MSMO1: variants seen among roughly 807,000 people sequenced by gnomAD.
MSMO1 encodes methylsterol monooxygenase 1.
A neutral mutation model predicts 30.4 loss-of-function variants in MSMO1; 18 were observed. The observed-to-expected ratio is 0.59, with a 90% confidence interval of 0.41 to 0.88. The LOEUF (loss-of-function observed/expected upper bound fraction) is 0.88, where lower values mean the gene tolerates loss of function less well. MSMO1 is among the 40% of genes least tolerant of loss of function. The pLI is 0.00. For synonymous variants in MSMO1, 84 were observed against 107.9 expected (o/e 0.78, Z 1.37); for missense variants, 284 against 340.5 (o/e 0.83, Z 1.31).
intron 1 of MSMO1, among the ~76,000 whole-genome samples, chr4:165,333,090 C>T (rs926591106): frequency 2.0e-5 from 3 of 151,956 alleles, no homozygotes. Context: ...CCCTATTGTT[C>T]TTTTAGCTAT....
At chr4:165,340,908 C>T (rs1747698367) in intron 5 of MSMO1, among the ~76,000 whole-genome samples, 1 of 152,130 alleles carries the variant, frequency 6.6e-6, no homozygotes, top group South Asian at 2.1e-4. Context: ...TTGGGACATA[C>T]TTCTGTACTC....
At chr4:165,338,369 C>T (rs544726325) in intron 3 of MSMO1, among the ~76,000 whole-genome samples, 6 of 150,626 alleles carry the variant, frequency 4.0e-5, no homozygotes, top group South Asian at 2.1e-4. Flanking sequence ...TATACTCATG[C>T]GTCACTTAAC....
Position 165,338,703 on chromosome 4 carries a change from G to C in MSMO1, c.456G>C (p.Trp152Cys). The change falls in exon 4 of 6, where the codon TGG becomes TGC. Residue 152 changes from tryptophan to cysteine, a missense_variant. By Grantham distance (215) the Trp-to-Cys change is radical. Coordinates refer to ENST00000261507, the MANE Select transcript of MSMO1 (RefSeq NM_006745.5). ...GTTGTGCAGTCATTGAAGATACTTG[G>C]CACTATTTTCTGCATAGACTCTTAC... ...CFGCAVIEDT[W>C]HYFLHRLLHH... 1 of 1,606,132 alleles carries C rather than the reference G, an allele frequency of 6.2e-7. No individual in the cohort carries two copies. Among genetic ancestry groups the C allele is most frequent in the Middle Eastern group, 1.7e-4 (1 of 6,036 alleles).
At chr4:165,334,680 G>A (rs1747492422) in intron 2 of MSMO1, among the ~76,000 whole-genome samples, 1 of 152,184 alleles carries the variant, frequency 6.6e-6, no homozygotes, top group Admixed American at 6.5e-5. Flanking sequence ...TGAGAATTTG[G>A]AGTAGCTTAT....
At chr4:165,329,422 T>G (rs894983702) in intron 1 of MSMO1, among the ~76,000 whole-genome samples, 3 of 152,038 alleles carry the variant, frequency 2.0e-5, no homozygotes, top group Non-Finnish European at 2.9e-5. Context: ...TCACTAAATT[T>G]TATGTTTTAT....
chr4:165,332,048 C>T (rs1747409512), intron 1 of MSMO1, among the ~76,000 whole-genome samples: 1 of 140,662 alleles, frequency 7.1e-6, no homozygotes, highest in African/African-American at 3.2e-5. Context: ...ATAACACTCT[C>T]CCCTACCCCG....
At position 165,333,345 on chromosome 4, in the gene MSMO1, T is replaced by G; in HGVS notation, c.-26T>G. On this transcript the variant is annotated 5_prime_UTR_variant, in exon 2 of 6. Coordinates refer to ENST00000261507, the MANE Select transcript of MSMO1 (RefSeq NM_006745.5). ...ATATGTATTCATTTCTACAGAATTA[T>G]AAGGCTGTCTGCAGAGATTTGAAAA... The G allele has an allele frequency of 3.1e-6, 5 of 1,610,438 alleles. No homozygotes were observed. Among genetic ancestry groups the G allele is most frequent in the East Asian group, 2.2e-5 (1 of 44,764 alleles).
intron 1 of MSMO1, among the ~76,000 whole-genome samples, chr4:165,329,268 A>G (rs1027698283): frequency 2.6e-5 from 4 of 151,842 alleles, no homozygotes; most frequent in Admixed American, 6.6e-5. Flanking sequence ...CCCTCACTCT[A>G]TTTTTTAATT....
At chr4:165,339,096 C>CTTTTTTTTTTTTTTTTTTTT (rs869192459) in intron 4 of MSMO1, among the ~76,000 whole-genome samples, 1 of 60,520 alleles carries the variant, frequency 1.7e-5, no homozygotes, top group Admixed American at 3.3e-4. Flanking sequence ...ATGAGCACTG[C>CTTTTTTTTTTTTTTTTTTTT]TTTTTTTTTT....
chr4:165,329,623 C>T (rs1346641283), intron 1 of MSMO1, among the ~76,000 whole-genome samples: 44 of 89,294 alleles, frequency 4.9e-4, no homozygotes, highest in Non-Finnish European at 8.3e-4. Context: ...AGATCCATAG[C>T]GATTTTTTTT....
chr4:165,330,610 T>G (rs1747361975), intron 1 of MSMO1, among the ~76,000 whole-genome samples: 1 of 152,236 alleles, frequency 6.6e-6, no homozygotes, highest in African/African-American at 2.4e-5. Flanking sequence ...GTTGCCTTAT[T>G]TTACAACTTA....
intron 2 of MSMO1, among the ~76,000 whole-genome samples, chr4:165,335,315 T>G (rs1163541940): frequency 6.6e-6 from 1 of 151,906 alleles, no homozygotes; most frequent in East Asian, 1.9e-4. Flanking sequence ...AATGCAGGGG[T>G]CAGATGACTG....
chr4:165,341,621 A>G, intron 5 of MSMO1, 130 bp from the exon 6 acceptor site: 1 of 734,328 alleles, frequency 1.4e-6, no homozygotes, highest in East Asian at 2.7e-5. Flanking sequence ...GTGAACACTT[A>G]GAAATAAAGT....
At chr4:165,338,585 C>T in intron 3 of MSMO1, 67 bp from the exon 4 acceptor site, 1 of 1,411,240 alleles carries the variant, frequency 7.1e-7, no homozygotes, top group Non-Finnish European at 1.0e-6. Context: ...GCAGTGATCC[C>T]AACTAAAAGT....
At chr4:165,332,802 C>G (rs949326822) in intron 1 of MSMO1, among the ~76,000 whole-genome samples, 21 of 152,114 alleles carry the variant, frequency 1.4e-4, no homozygotes, top group African/African-American at 4.6e-4. Flanking sequence ...CTTCTGTTGT[C>G]TTTTTAGTCT....
Position 165,333,502 on chromosome 4 carries a change from T to A in MSMO1, c.132T>A (p.Tyr44Ter). The change falls in exon 2 of 6, where the codon TAT becomes TAA. Residue 44 changes from tyrosine to a stop codon, truncating the protein, a stop_gained. Coordinates refer to ENST00000261507, the MANE Select transcript of MSMO1 (RefSeq NM_006745.5). LOFTEE classifies it high-confidence loss of function. ...KNAWNYMLNNYTKFQIATWGS... is the reference protein window; with the variant it reads ...KNAWNYMLNN ...CTTGGAACTATATGTTGAATAATTATACAAAGTTCCAGATTGCAACATGGG... is the reference window on the plus strand; with the variant it reads ...CTTGGAACTATATGTTGAATAATTAAACAAAGTTCCAGATTGCAACATGGG... 1 of 1,613,662 alleles carries A rather than the reference T, an allele frequency of 6.2e-7. No homozygotes were observed. The highest frequency in any genetic ancestry group is 8.5e-7 in the Non-Finnish European group (1 of 1,179,786).
At chr4:165,329,224 C>T (rs1747319889) in intron 1 of MSMO1, among the ~76,000 whole-genome samples, 1 of 151,930 alleles carries the variant, frequency 6.6e-6, no homozygotes, top group Non-Finnish European at 1.5e-5. Flanking sequence ...AGTTGCTGTT[C>T]TCTCTATGCA....
chr4:165,340,109 C>A, intron 4 of MSMO1, 112 bp from the exon 5 acceptor site: 2 of 887,200 alleles, frequency 2.3e-6, no homozygotes, highest in South Asian at 1.4e-5. Context: ...ACAACAACAT[C>A]TAGACTGGTA....
At position 165,337,817 on chromosome 4, in the gene MSMO1, G is replaced by C. The variant is rs375770332; in HGVS notation, c.284G>C (p.Trp95Ser). ...AAGCCAGAGACATGGGAAAACCAAT[G>C]GAAGTGTTTCAAAGTTCTTCTCTTT... ...KDKPETWENQWKCFKVLLFNH... is the reference protein window; with the variant it reads ...KDKPETWENQSKCFKVLLFNH... The change falls in exon 3 of 6, where the codon TGG becomes TCG. Residue 95 changes from tryptophan (W) to serine (S), a missense_variant. Trp to Ser is a radical substitution (Grantham distance 177). Coordinates refer to ENST00000261507, the MANE Select transcript of MSMO1 (RefSeq NM_006745.5). 24 of 1,613,492 alleles carry C rather than the reference G, an allele frequency of 1.5e-5. No individual in the cohort carries two copies. The highest frequency in any genetic ancestry group is 6.7e-5 in the Admixed American group (4 of 59,992).
Sources: allele counts gnomAD v4.1 joint callset (sites outside exome capture counted in the v4.1 genomes callset), GRCh38; gene constraint gnomAD v4.1.1; transcripts MANE v1.5; gene names NCBI Gene and HGNC (gene_info 2026-07-23, HGNC 2026-07-21).